The following USP6NL variants were observed in gnomAD, a reference collection of about 807,000 sequenced individuals.
USP6NL encodes USP6 N-terminal-like protein.
Under a neutral mutation model 61.9 loss-of-function variants are expected in USP6NL, and 26 were observed. That is an observed-to-expected ratio of 0.42 (90% CI 0.31 to 0.58). USP6NL has a LOEUF of 0.58. USP6NL is among the 20% of genes least tolerant of loss of function. The pLI, the probability that USP6NL is intolerant of heterozygous loss-of-function variation, is 0.16. For missense variants in USP6NL, 1,114 were observed against 1,034.3 expected (o/e 1.08, Z -1.06); for synonymous variants, 432 against 390.1 (o/e 1.11, Z -1.27).
chr10:11,527,063 C>A (rs1835450305), intron 3 of USP6NL, among the ~76,000 whole-genome samples: 1 of 152,032 alleles, frequency 6.6e-6, no homozygotes, highest in Non-Finnish European at 1.5e-5. Context: ...GTAAATCAAA[C>A]AAAAGAAATT....
chr10:11,593,169 G>C (rs1838209894), intron 2 of USP6NL, among the ~76,000 whole-genome samples: 1 of 152,212 alleles, frequency 6.6e-6, no homozygotes, highest in African/African-American at 2.4e-5. Context: ...GTAATTAGTT[G>C]CAGAGCAAAA....
chr10:11,520,581 T>A lies in USP6NL; in HGVS notation c.156-2007A>T, dbSNP rs1040167796. Among the ~76,000 whole-genome samples, 6 of 152,352 alleles carry A rather than the reference T, an allele frequency of 3.9e-5. No homozygotes were observed. The South Asian group carries it at 1.2e-3, about 32-fold the overall frequency. ...ATGAACACATGCCTGCAGGCATGGA[T>A]GCATCCTTACCTTGCCTCCTAAATA... On this transcript the variant is annotated intron_variant, in intron 4 of 14. Coordinates refer to ENST00000609104, the MANE Select transcript of USP6NL (RefSeq NM_014688.5). The surrounding 1 kb of genome is among the most constrained non-coding windows in gnomAD (Gnocchi z 5.2).
intron 2 of USP6NL, among the ~76,000 whole-genome samples, chr10:11,555,715 G>C (rs1277585912): frequency 6.6e-6 from 1 of 151,844 alleles, no homozygotes; most frequent in East Asian, 1.9e-4. Context: ...ACACATCAGA[G>C]TAAAACTTCC....
At chr10:11,501,023 C>T (rs1834163157) in intron 7 of USP6NL, 78 bp downstream of exon 7, 3 of 1,134,270 alleles carry the variant, frequency 2.6e-6, no homozygotes, top group South Asian at 2.0e-5. Context: ...ATATGAATAT[C>T]TTATGTCACC....
chr10:11,539,751 T>TAACAAGCAAG (rs1397139757), intron 2 of USP6NL, among the ~76,000 whole-genome samples: 14 of 152,236 alleles, frequency 9.2e-5, no homozygotes, highest in African/African-American at 3.1e-4. Flanking sequence ...ACAAGACTGG[T>TAACAAGCAAG]TTGTAACAAC....
intron 2 of USP6NL, among the ~76,000 whole-genome samples, chr10:11,581,764 T>G (rs577226921): frequency 2.0e-5 from 3 of 152,212 alleles, no homozygotes; most frequent in Non-Finnish European, 4.4e-5. Flanking sequence ...CTACTTAAGC[T>G]TGGTTTTTGT....
rs1019710683 is a variant in USP6NL, at chr10:11,518,854, G to C, written c.156-280C>G. Among the ~76,000 whole-genome samples, 1 of 152,112 alleles carries C rather than the reference G, an allele frequency of 6.6e-6. No individual in the cohort carries two copies. Among genetic ancestry groups the C allele is most frequent in the Non-Finnish European group, 1.5e-5 (1 of 68,036 alleles). On this transcript the variant is annotated intron_variant, in intron 4 of 14. Coordinates refer to ENST00000609104, the MANE Select transcript of USP6NL (RefSeq NM_014688.5). This position sits in a 1 kb window ranked among gnomAD's most constrained non-coding sequence, Gnocchi z 5.3. Reference sequence around the variant, plus strand: ...TTAAAATTTAATTTAGTTTAACACTGAGTTAGTCTCACTAGGCACAGTTCA... The same window carrying C: ...TTAAAATTTAATTTAGTTTAACACTCAGTTAGTCTCACTAGGCACAGTTCA...
rs931019193 is a variant in USP6NL at position 11,585,129 on chromosome 10, G to A, written c.4+12502C>T. 6.6e-5 allele frequency among the ~76,000 whole-genome samples: 10 copies of A among 152,146 alleles called. No homozygotes were observed. Among genetic ancestry groups the A allele is most frequent in the African/African-American group, 2.4e-4 (10 of 41,428 alleles). On this transcript the variant is annotated intron_variant, in intron 2 of 14. Coordinates refer to ENST00000609104, the MANE Select transcript of USP6NL (RefSeq NM_014688.5). The surrounding 1 kb of genome is among the most constrained non-coding windows in gnomAD (Gnocchi z 4.5). ...TGATGCAAGAGAAAATGTAAACAGT[G>A]AGTCCATGAAAAAGTTATCTTGTCT... is the stretch of plus-strand genomic sequence containing the variant.
Position 11,592,948 on chromosome 10 carries a change from T to C in USP6NL, c.4+4683A>G, listed in dbSNP as rs1278845072. On this transcript the variant is annotated intron_variant, in intron 2 of 14. Transcript: ENST00000609104. This position sits in a 1 kb window ranked among gnomAD's most constrained non-coding sequence, Gnocchi z 4.7. ...CAGTGAATGAAGGTCTTTACTCCTA[T>C]ACTATTAGAAAACCACAAATACACT... Among the ~76,000 whole-genome samples, 1 of 152,242 alleles carries C rather than the reference T, an allele frequency of 6.6e-6. No homozygotes were observed. Among genetic ancestry groups the C allele is most frequent in the Non-Finnish European group, 1.5e-5 (1 of 68,040 alleles).
rs1347099282 is a variant in USP6NL, at chr10:11,528,437, T to G, written c.5-870A>C. On this transcript the variant is annotated intron_variant, in intron 2 of 14. Coordinates refer to ENST00000609104, the MANE Select transcript of USP6NL (RefSeq NM_014688.5). This position sits in a 1 kb window ranked among gnomAD's most constrained non-coding sequence, Gnocchi z 4.6. ...AAGTGCCTGGCAGATAGTAAGATAC[T>G]GCCAGGCAGCAAATACTGTGCTAAT... 6.6e-6 allele frequency among the ~76,000 whole-genome samples: 1 copy of G among 152,158 alleles called. No homozygotes were observed. Among genetic ancestry groups the G allele is most frequent in the Non-Finnish European group, 1.5e-5 (1 of 68,016 alleles).
chr10:11,585,554 C>T lies in USP6NL; in HGVS notation c.4+12077G>A, dbSNP rs185639160. 1.1e-4 allele frequency among the ~76,000 whole-genome samples: 17 copies of T among 152,094 alleles called. No individual in the cohort carries two copies. In the East Asian group the frequency reaches 1.2e-3, roughly 10 times the overall value. ...GCGGGCACCTGTACTCCCAGCTACT[C>T]GGGAGGCTGAGGAACGGGAATGGCG... is the stretch of plus-strand genomic sequence containing the variant. On this transcript the variant is annotated intron_variant, in intron 2 of 14. Coordinates refer to ENST00000609104, the MANE Select transcript of USP6NL (RefSeq NM_014688.5). The surrounding 1 kb of genome is among the most constrained non-coding windows in gnomAD (Gnocchi z 4.5).
At chr10:11,519,136 C>T (rs1311493321) in intron 4 of USP6NL, among the ~76,000 whole-genome samples, 1 of 152,152 alleles carries the variant, frequency 6.6e-6, no homozygotes, top group Non-Finnish European at 1.5e-5. Context: ...GGCTCTGTTC[C>T]CACGAAACTT....
rs907412278 is a variant in USP6NL, at chr10:11,524,056, G to A, written c.155+1330C>T. Among the ~76,000 whole-genome samples the A allele has an allele frequency of 3.9e-5, 6 of 152,092 alleles. No individual in the cohort carries two copies. In the South Asian group the frequency reaches 8.3e-4, roughly 21 times the overall value. Reference sequence around the variant, plus strand: ...TCTTGTCACGTGCGTAGCCAAGTTTGATTTTTTAAAAAAGTAGGGGTGGAA... The same window carrying A: ...TCTTGTCACGTGCGTAGCCAAGTTTAATTTTTTAAAAAAGTAGGGGTGGAA... On this transcript the variant is annotated intron_variant, in intron 4 of 14. Transcript: ENST00000609104.
chr10:11,492,274 T>C (rs1396304306), intron 8 of USP6NL, among the ~76,000 whole-genome samples: 2 of 152,222 alleles, frequency 1.3e-5, no homozygotes, highest in Non-Finnish European at 2.9e-5. Context: ...ACTGCAGTGG[T>C]TGGCTTTGGG....
Position 11,600,708 on chromosome 10 carries a change from G to A in USP6NL, c.-83-2991C>T, listed in dbSNP as rs1309483806. ...TATCAGGCTGGGCACGGTGGCTCAC[G>A]CCTGTAATCCCAGCACTTTGGGAGG... On this transcript the variant is annotated intron_variant, in intron 1 of 14. Transcript: ENST00000609104. The surrounding 1 kb of genome is among the most constrained non-coding windows in gnomAD (Gnocchi z 4.1). 3.3e-5 allele frequency among the ~76,000 whole-genome samples: 5 copies of A among 152,164 alleles called. No homozygotes were observed. Among genetic ancestry groups the A allele is most frequent in the East Asian group, 1.9e-4 (1 of 5,188 alleles).
In USP6NL at chr10:11,562,743, G is replaced by T. The variant is rs1478749401; in HGVS notation, c.4+34888C>A. 28 of 985,182 alleles carry T rather than the reference G, an allele frequency of 2.8e-5. No homozygotes were observed. Among genetic ancestry groups the T allele is most frequent in the Admixed American group, 1.2e-4 (2 of 16,256 alleles). The allele number at this position is 985,182 out of a possible 1,614,324, so 61.0% of individuals were successfully genotyped here. Reference sequence around the variant, plus strand: ...CACTTGTTTCTTGATCTAAAAACGTGGAATTCCACACAGTACAATCATAAG... The same window carrying T: ...CACTTGTTTCTTGATCTAAAAACGTTGAATTCCACACAGTACAATCATAAG... On this transcript the variant is annotated intron_variant, in intron 2 of 14. Coordinates refer to ENST00000609104, the MANE Select transcript of USP6NL (RefSeq NM_014688.5). This position sits in a 1 kb window ranked among gnomAD's most constrained non-coding sequence, Gnocchi z 4.8.
In USP6NL at chr10:11,555,589, A is replaced by G. The variant is rs373335080; in HGVS notation, c.5-28022T>C. On this transcript the variant is annotated intron_variant, in intron 2 of 14. Transcript: ENST00000609104. ...TGTACATGCAGTTAGAGTCCTAGAG[A>G]GGACAGATAGAATGGTACAGAAGCA... Among the ~76,000 whole-genome samples, 7 of 151,612 alleles carry G rather than the reference A, an allele frequency of 4.6e-5. No homozygotes were observed. In the East Asian group the frequency reaches 9.7e-4, roughly 21 times the overall value.
chr10:11,483,182 G>A (rs564922257), intron 13 of USP6NL, among the ~76,000 whole-genome samples: 26 of 152,024 alleles, frequency 1.7e-4, no homozygotes, highest in Admixed American at 3.9e-4. Flanking sequence ...GGAACTTCAC[G>A]TAAGTCTCTA....
rs570789214 is a variant in USP6NL, at chr10:11,542,196, C to T, written c.5-14629G>A. ...TCATTAATTCAGAAAGTACTGAACA[C>T]CATTTACTGCCACTGCACCTAGCTA... is the stretch of plus-strand genomic sequence containing the variant. On this transcript the variant is annotated intron_variant, in intron 2 of 14. Transcript: ENST00000609104. Among the ~76,000 whole-genome samples the T allele has an allele frequency of 3.5e-4, 53 of 152,276 alleles. 1 individual carries two copies. The South Asian group carries it at 0.011, about 30-fold the overall frequency.
Sources: gnomAD v4.1 joint callset for allele counts (sites outside exome capture counted in the v4.1 genomes callset) on GRCh38, gnomAD v4.1.1 for gene constraint, Gnocchi (gnomAD v3.1) non-coding constraint, MANE v1.5 for transcripts, NCBI Gene and HGNC (gene_info 2026-07-23, HGNC 2026-07-21) for gene names.